The following CCNH variants were observed in gnomAD, a reference collection of about 807,000 sequenced individuals.
The protein encoded by CCNH is cyclin-H.
In CCNH, 31 loss-of-function variants were observed where a neutral mutation model predicts 41.9. That is an observed-to-expected ratio of 0.74 (90% CI 0.56 to 1.00). The LOEUF (loss-of-function observed/expected upper bound fraction) is 1.00. Ranked by LOEUF, CCNH falls within the 50% of genes least tolerant of loss-of-function variation. The pLI is 0.00. For synonymous variants in CCNH, 138 were observed against 136.1 expected (o/e 1.01, Z -0.10); for missense variants, 362 against 388.4 (o/e 0.93, Z 0.57).
the CCNH span, among the ~76,000 whole-genome samples, chr5:87,312,593 C>T: frequency 5.3e-5 from 8 of 152,256 alleles, no homozygotes; most frequent in East Asian, 1.4e-3. Context: ...CGCTGGGTCT[C>T]CTCTTTCTGG....
intron 9 of CCNH, among the ~76,000 whole-genome samples, chr5:87,328,568 G>A (rs1420724443): frequency 6.6e-6 from 1 of 152,038 alleles, no homozygotes; most frequent in Non-Finnish European, 1.5e-5. Context: ...TTATATCTTT[G>A]TTATTGAGAG....
Position 87,412,693 on chromosome 5 carries a change from G to T in CCNH, c.102C>A (p.Ala34=), listed in dbSNP as rs138974357. 2.5e-3 allele frequency: 4,114 copies of T among 1,614,114 alleles called. 20 individuals carry two copies. The highest frequency in any genetic ancestry group is 0.021 in the Middle Eastern group (129 of 6,062). ...AAAACCTCACCTTCCCGTTGGCCAC[G>T]GCTTTGCATCTGAATTTGCGGTTGG... ...ADANRKFRCK[A]VANGKVLPND... is the part of the protein sequence containing the mutation. The change falls in exon 1 of 9, where the codon GCC becomes GCA. Residue 34 remains alanine (A), a synonymous_variant. Transcript: ENST00000256897.
At chr5:87,339,585 G>C (rs546004302) in intron 9 of CCNH, among the ~76,000 whole-genome samples, 14 of 152,024 alleles carry the variant, frequency 9.2e-5, no homozygotes, top group Admixed American at 2.0e-4. Flanking sequence ...AATTTAACAA[G>C]ATAACCTTTA....
intron 9 of CCNH, among the ~76,000 whole-genome samples, chr5:87,354,942 C>G (rs1759540899): frequency 6.6e-6 from 1 of 152,098 alleles, no homozygotes; most frequent in African/African-American, 2.4e-5. Context: ...CAAAGCAAGG[C>G]CCTAACTCTC....
chr5:87,362,902 CTTTCT>C (rs1323257025), intron 9 of CCNH, among the ~76,000 whole-genome samples: 1 of 149,536 alleles, frequency 6.7e-6, no homozygotes, highest in Non-Finnish European at 1.5e-5. Context: ...TTCTTTCTTT[CTTTCT>C]TTTTTTTTTT....
chr5:87,323,906 C>T (rs780828510), intron 9 of CCNH, among the ~76,000 whole-genome samples: 102 of 152,036 alleles, frequency 6.7e-4, no homozygotes, highest in Non-Finnish European at 1.2e-3. Context: ...CCTGTGTATC[C>T]TCCTACTTAC....
intron 7 of CCNH, among the ~76,000 whole-genome samples, chr5:87,398,871 G>A (rs1363808032): frequency 6.6e-6 from 1 of 151,930 alleles, no homozygotes; most frequent in Non-Finnish European, 1.5e-5. Flanking sequence ...TACTCAGGAG[G>A]CTGAGGCAGG....
chr5:87,394,862 C>T, intron 8 of CCNH, 182 bp downstream of exon 8: 1 of 1,388,988 alleles, frequency 7.2e-7, no homozygotes, highest in South Asian at 1.8e-5. Context: ...TAAATAAAGA[C>T]AGAAGAGAGA....
chr5:87,405,868 T>G (rs778579464), intron 4 of CCNH, among the ~76,000 whole-genome samples: 1 of 152,068 alleles, frequency 6.6e-6, no homozygotes, highest in African/African-American at 2.4e-5. Context: ...AACTTTCGCT[T>G]TGCAACTATA....
At chr5:87,331,840 G>T (rs2112367415) in intron 9 of CCNH, among the ~76,000 whole-genome samples, 1 of 152,176 alleles carries the variant, frequency 6.6e-6, no homozygotes, top group African/African-American at 2.4e-5. Flanking sequence ...AGGAAACCCT[G>T]TTTAAAACTC....
downstream of CCNH, chr5:87,374,704 A>C (rs533543056): frequency 8.0e-7 from 1 of 1,242,556 alleles, no homozygotes; most frequent in African/African-American, 1.5e-5. Context: ...ATATGTTGTG[A>C]ATCTGGTTTT....
chr5:87,372,179 A>G (rs894219060), downstream of CCNH: 1 of 1,613,684 alleles, frequency 6.2e-7, no homozygotes. Context: ...GGGACATCCA[A>G]TAAACGCCTT....
intron 9 of CCNH, among the ~76,000 whole-genome samples, chr5:87,347,615 A>C (rs1414648955): frequency 6.6e-6 from 1 of 152,048 alleles, no homozygotes; most frequent in Non-Finnish European, 1.5e-5. Flanking sequence ...TCCATAAAGC[A>C]CTGCATTTTA....
downstream of CCNH, chr5:87,392,614 C>G (rs1238937346): frequency 2.4e-5 from 6 of 250,410 alleles, no homozygotes; most frequent in South Asian, 8.3e-5. Context: ...ACTTTGGCTC[C>G]CATTTATCAC....
intron 4 of CCNH, among the ~76,000 whole-genome samples, chr5:87,406,678 A>G (rs1197505501): frequency 6.6e-6 from 1 of 152,068 alleles, no homozygotes; most frequent in Non-Finnish European, 1.5e-5. Flanking sequence ...TTTAGTCCCA[A>G]ATTTTTTAGA....
chr5:87,359,954 A>G (rs1759947821), intron 9 of CCNH, among the ~76,000 whole-genome samples: 1 of 152,120 alleles, frequency 6.6e-6, no homozygotes, highest in Non-Finnish European at 1.5e-5. Flanking sequence ...GAACACAGCC[A>G]TCTTGTAAAC....
At chr5:87,404,809 C>A in intron 5 of CCNH, 35 bp downstream of exon 5, 1 of 1,505,208 alleles carries the variant, frequency 6.6e-7, no homozygotes, top group Non-Finnish European at 9.0e-7. Context: ...AACCCAGTGA[C>A]TGAATTTGAC....
chr5:87,362,006 T>C (rs1222037022), intron 9 of CCNH, among the ~76,000 whole-genome samples: 1 of 152,142 alleles, frequency 6.6e-6, no homozygotes, highest in Non-Finnish European at 1.5e-5. Flanking sequence ...TAACACCAGC[T>C]GTGGATGGAT....
downstream of CCNH, among the ~76,000 whole-genome samples, chr5:87,386,664 A>G (rs564688103): frequency 1.2e-4 from 18 of 152,160 alleles, no homozygotes; most frequent in African/African-American, 3.9e-4. Flanking sequence ...TGCTACACCT[A>G]ATTTATAAGA....
Sources: allele counts gnomAD v4.1 joint callset (sites outside exome capture counted in the v4.1 genomes callset), GRCh38; gene constraint gnomAD v4.1.1; transcripts MANE v1.5; gene names NCBI Gene and HGNC (gene_info 2026-07-23, HGNC 2026-07-21).